The following XPO6 variants were observed in gnomAD, a reference collection of about 807,000 sequenced individuals.
XPO6 encodes the protein exportin 6.
A neutral mutation model predicts 130.0 loss-of-function variants in XPO6; 3 were observed. That is an observed-to-expected ratio of 0.02 (90% confidence interval 0.01 to 0.06). The LOEUF (loss-of-function observed/expected upper bound fraction) is 0.06. Ranked by LOEUF, XPO6 falls within the 10% of genes least tolerant of loss-of-function variation. The pLI is 1.00. For missense variants in XPO6, 970 were observed against 1,393.0 expected, an observed-to-expected ratio of 0.70 and a Z score of 4.83; for synonymous variants, 524 against 548.9, an observed-to-expected ratio of 0.95 and a Z score of 0.63.
Position 28,104,598 on chromosome 16 carries a change from C to T in XPO6, c.2894G>A (p.Gly965Glu). The T allele has an allele frequency of 6.2e-7, 1 of 1,614,208 alleles. No individual in the cohort carries two copies. Among genetic ancestry groups the T allele is most frequent in the South Asian group, 1.1e-5 (1 of 91,086 alleles). ...ATTCTCCATCTGCTCCTCAGCGATC[C>T]CCCTCTGGACACTGGCCAGCACGGT... Reference protein sequence around the residue: ...KSTVLASVQRGIAEEQMENEP... With the variant: ...KSTVLASVQREIAEEQMENEP... The change falls in exon 21 of 24, where the codon GGG becomes GAG. Residue 965 changes from glycine to glutamate, a missense_variant. Transcript: ENST00000304658.
intron 12 of XPO6, chr16:28,126,904 C>T (rs1050633047): frequency 6.6e-6 from 1 of 152,448 alleles, no homozygotes; most frequent in African/African-American, 2.4e-5. Flanking sequence ...CACACCTGCT[C>T]CCTCCCCCTA....
At position 28,101,562 on chromosome 16, in the gene XPO6, A is replaced by G. The variant is rs2086656225; in HGVS notation, c.3172T>C (p.Phe1058Leu). ...AGGAAGGCGGCAAAGAAGCCATCAA[A>G]GTCGACTGAGGCCATGTTGTAGATG... is the stretch of plus-strand genomic sequence containing the variant. ...IAIYNMASVD[F>L]DGFFAAFLPE... The change falls in exon 23 of 24, where the codon TTT becomes CTT. Residue 1058 changes from phenylalanine to leucine, a missense_variant. This residue lies in a region of XPO6 where 936 missense variants were observed against 1,306.8 expected (regional missense o/e 0.72). Coordinates refer to ENST00000304658, the MANE Select transcript of XPO6 (RefSeq NM_015171.4). This position sits in a 1 kb window ranked among gnomAD's most constrained non-coding sequence, Gnocchi z 5.4. 1 of 1,614,160 alleles carries G rather than the reference A, an allele frequency of 6.2e-7. No homozygotes were observed.
chr16:28,187,678 C>T (rs1956902767), intron 1 of XPO6, among the ~76,000 whole-genome samples: 1 of 148,802 alleles, frequency 6.7e-6, no homozygotes, highest in South Asian at 2.2e-4. Flanking sequence ...TGGAAAGATG[C>T]TCTATCTAGT....
At chr16:28,183,656 A>G (rs997673409) in intron 1 of XPO6, among the ~76,000 whole-genome samples, 2 of 152,206 alleles carry the variant, frequency 1.3e-5, no homozygotes, top group African/African-American at 4.8e-5. Context: ...TACATAAACC[A>G]TAAGGAATTA....
chr16:28,152,838 A>C, intron 7 of XPO6, 53 bp from the exon 8 acceptor site: 3 of 1,585,142 alleles, frequency 1.9e-6, no homozygotes, highest in Non-Finnish European at 2.6e-6. Context: ...ACCTCCTTAG[A>C]ACTTAAATTC....
At chr16:28,128,225 C>T (rs888952586) in intron 12 of XPO6, among the ~76,000 whole-genome samples, 1 of 152,198 alleles carries the variant, frequency 6.6e-6, no homozygotes, top group Admixed American at 6.5e-5. Flanking sequence ...CCTGCTCCTC[C>T]TCTGCACACC....
In XPO6 at chr16:28,098,384, A is replaced by C; in HGVS notation, c.*154T>G. 3.1e-6 allele frequency: 2 copies of C among 644,364 alleles called. No individual in the cohort carries two copies. Among genetic ancestry groups the C allele is most frequent in the Admixed American group, 2.7e-5 (1 of 36,934 alleles). The allele number at this position is 644,364 out of a possible 1,614,324, so 39.9% of individuals were successfully genotyped here. On this transcript the variant is annotated 3_prime_UTR_variant, in exon 24 of 24. Coordinates refer to ENST00000304658, the MANE Select transcript of XPO6 (RefSeq NM_015171.4). ...GAAGCCAGCTCTGCTGGGCAGCGGC[A>C]AGATGTGGAGGAGCGGCAGAGGCAG...
At chr16:28,207,872 C>T (rs1395208891) in intron 1 of XPO6, among the ~76,000 whole-genome samples, 3 of 152,190 alleles carry the variant, frequency 2.0e-5, no homozygotes, top group South Asian at 4.1e-4. Context: ...TGGCCAGGCG[C>T]AGTGGCTCAC....
At chr16:28,175,210 C>T (rs2043514428) in intron 4 of XPO6, among the ~76,000 whole-genome samples, 1 of 152,020 alleles carries the variant, frequency 6.6e-6, no homozygotes, top group Non-Finnish European at 1.5e-5. Context: ...GCCTCACCTC[C>T]ACCCACCAGG....
In XPO6 at chr16:28,106,368, T is replaced by C. The variant is rs1353388225; in HGVS notation, c.2612+15A>G. Reference sequence around the variant, plus strand: ...CCTTGAATCTGAAAACTATAGATGGTGGGTCTGTGCTTACCTGGTAAACAT... The same window carrying C: ...CCTTGAATCTGAAAACTATAGATGGCGGGTCTGTGCTTACCTGGTAAACAT... On this transcript the variant is annotated intron_variant, in intron 19 of 23. Coordinates refer to ENST00000304658, the MANE Select transcript of XPO6 (RefSeq NM_015171.4). This position sits in a 1 kb window ranked among gnomAD's most constrained non-coding sequence, Gnocchi z 4.2. 1.2e-6 allele frequency: 2 copies of C among 1,613,036 alleles called. No individual in the cohort carries two copies. The highest frequency in any genetic ancestry group is 8.5e-7 in the Non-Finnish European group (1 of 1,178,972).
intron 6 of XPO6, among the ~76,000 whole-genome samples, chr16:28,159,265 A>T (rs555023572): frequency 2.0e-5 from 3 of 152,112 alleles, no homozygotes; most frequent in Non-Finnish European, 4.4e-5. Flanking sequence ...AAAAAAAACT[A>T]TAACAAGAAG....
intron 15 of XPO6, among the ~76,000 whole-genome samples, chr16:28,115,270 A>G (rs1198205192): frequency 6.6e-6 from 1 of 152,212 alleles, no homozygotes; most frequent in African/African-American, 2.4e-5. Flanking sequence ...TGGCAGCTAT[A>G]GTCTTATGAA....
chr16:28,131,714 G>A (rs2042673883), intron 12 of XPO6, among the ~76,000 whole-genome samples: 1 of 152,188 alleles, frequency 6.6e-6, no homozygotes, highest in South Asian at 2.1e-4. Context: ...ACACCTCACA[G>A]GACGATGGAG....
At chr16:28,116,424 T>C (rs1362140550) in intron 15 of XPO6, among the ~76,000 whole-genome samples, 2 of 148,946 alleles carry the variant, frequency 1.3e-5, no homozygotes, top group African/African-American at 5.0e-5. Flanking sequence ...ATCACGCCAC[T>C]GCACTCCAGC....
At chr16:28,148,347 C>G (rs988944976) in intron 8 of XPO6, among the ~76,000 whole-genome samples, 12 of 152,202 alleles carry the variant, frequency 7.9e-5, no homozygotes, top group African/African-American at 2.4e-4. Context: ...TTGTGCACTG[C>G]CCACAGGCCG....
chr16:28,168,347 G>A (rs1370350162), intron 5 of XPO6, among the ~76,000 whole-genome samples: 1 of 152,092 alleles, frequency 6.6e-6, no homozygotes, highest in Non-Finnish European at 1.5e-5. Flanking sequence ...GCCAGGCGTG[G>A]TGCCGCATGC....
At position 28,119,321 on chromosome 16, in the gene XPO6, G is replaced by C. The variant is rs961667886; in HGVS notation, c.1860-1859C>G. ...AACATGAGCCAGTGTGTCCAGCCTA[G>C]ACACCATTTTAAAAGCAAACTCAGC... On this transcript the variant is annotated intron_variant, in intron 14 of 23. Coordinates refer to ENST00000304658, the MANE Select transcript of XPO6 (RefSeq NM_015171.4). Among the ~76,000 whole-genome samples the C allele has an allele frequency of 7.9e-5, 12 of 151,916 alleles. No individual in the cohort carries two copies. The East Asian group carries it at 2.3e-3, about 29-fold the overall frequency.
At chr16:28,203,716 T>G (rs548742126) in intron 1 of XPO6, among the ~76,000 whole-genome samples, 1 of 152,328 alleles carries the variant, frequency 6.6e-6, no homozygotes, top group South Asian at 2.1e-4. Context: ...CTTGTGCTTT[T>G]CCTTCTTCCT....
intron 5 of XPO6, among the ~76,000 whole-genome samples, chr16:28,167,599 C>G (rs1376863765): frequency 1.3e-5 from 2 of 152,184 alleles, no homozygotes; most frequent in Non-Finnish European, 2.9e-5. Flanking sequence ...TAAAACATAC[C>G]TCTATTTAGC....
Sources: allele counts gnomAD v4.1 joint callset (sites outside exome capture counted in the v4.1 genomes callset), GRCh38; gene constraint gnomAD v4.1.1; regional missense constraint gnomAD v4.1.1; non-coding constraint Gnocchi (gnomAD v3.1); transcripts MANE v1.5; gene names NCBI Gene and HGNC (gene_info 2026-07-23, HGNC 2026-07-21).